Variants in SAMD4A observed in about 807,000 individuals in gnomAD.
The protein encoded by SAMD4A is protein Smaug homolog 1.
In SAMD4A, 33 loss-of-function variants were observed where a neutral mutation model predicts 81.3. That is an observed-to-expected ratio of 0.41 (90% confidence interval 0.31 to 0.54). The LOEUF (loss-of-function observed/expected upper bound fraction) is 0.54, where lower values mean the gene tolerates loss of function less well. Ranked by LOEUF, SAMD4A falls within the 20% of genes least tolerant of loss-of-function variation. The pLI is 0.37. For synonymous variants in SAMD4A, 389 were observed against 382.1 expected (o/e 1.02, Z -0.21); for missense variants, 854 against 951.1 (o/e 0.90, Z 1.34).
intron 11 of SAMD4A, among the ~76,000 whole-genome samples, chr14:54,777,203 C>T (rs1233174240): frequency 6.6e-6 from 1 of 151,934 alleles, no homozygotes; most frequent in Non-Finnish European, 1.5e-5. Context: ...ATGGACCCCC[C>T]CCCACCCCCA....
At chr14:54,788,786 C>A in intron 12 of SAMD4A, 130 bp from the exon 13 acceptor site, 1 of 1,073,020 alleles carries the variant, frequency 9.3e-7, no homozygotes, top group Non-Finnish European at 1.4e-6. Context: ...AATGCGTGAA[C>A]ACATGAACGT....
chr14:54,612,469 C>T (rs1439225201), intron 2 of SAMD4A, among the ~76,000 whole-genome samples: 1 of 152,022 alleles, frequency 6.6e-6, no homozygotes, highest in African/African-American at 2.4e-5. Context: ...ATGTGAATGT[C>T]TTCATTTCCC....
chr14:54,568,786 G>A (rs1224908762), intron 2 of SAMD4A, among the ~76,000 whole-genome samples: 1 of 138,250 alleles, frequency 7.2e-6, no homozygotes, highest in East Asian at 2.1e-4. Context: ...TATTGATACG[G>A]ATCTTGTAGA....
At chr14:54,612,412 G>A (rs1215773265) in intron 2 of SAMD4A, among the ~76,000 whole-genome samples, 1 of 151,894 alleles carries the variant, frequency 6.6e-6, no homozygotes, top group Non-Finnish European at 1.5e-5. Context: ...TAGAGTTTGG[G>A]CTATTATTAA....
At chr14:54,624,360 C>A (rs1309019886) in intron 2 of SAMD4A, among the ~76,000 whole-genome samples, 1 of 152,226 alleles carries the variant, frequency 6.6e-6, no homozygotes, top group Non-Finnish European at 1.5e-5. Flanking sequence ...AAGAAGGCAT[C>A]AGACATCACG....
chr14:54,789,214 AG>A lies in SAMD4A; in HGVS notation c.*276del, dbSNP rs770033727. On this transcript the variant is annotated 3_prime_UTR_variant, in exon 13 of 13. Coordinates refer to ENST00000554335, the MANE Select transcript of SAMD4A (RefSeq NM_015589.6). ...GTCTCTAGGGAATTATGAGACTGGG[AG>A]GGGGGTGGAGGGAATGCAGGTAGCT... 6 of 200,964 alleles carry A rather than the reference AG, an allele frequency of 3.0e-5. No individual in the cohort carries two copies. The highest frequency in any genetic ancestry group is 1.1e-4 in the East Asian group (1 of 9,204). The allele number at this position is 200,964 out of a possible 1,614,324, so 12.4% of individuals were successfully genotyped here. A position where few individuals can be genotyped will look rare whatever the true frequency, so the allele number is the denominator to read the frequency against.
intron 6 of SAMD4A, 145 bp from the exon 7 acceptor site, chr14:54,760,016 A>C: frequency 1.4e-6 from 1 of 729,334 alleles, no homozygotes. Flanking sequence ...ATGAAACGAA[A>C]GTGGTCCCTT....
chr14:54,614,556 C>A (rs895162132), intron 2 of SAMD4A, among the ~76,000 whole-genome samples: 4 of 152,190 alleles, frequency 2.6e-5, no homozygotes, highest in African/African-American at 9.6e-5. Context: ...TGGGCCTCTT[C>A]TTTCTTCTGT....
At chr14:54,719,064 T>C (rs2037195625) in intron 3 of SAMD4A, among the ~76,000 whole-genome samples, 1 of 151,926 alleles carries the variant, frequency 6.6e-6, no homozygotes, top group African/African-American at 2.4e-5. Flanking sequence ...AAGGAACGCC[T>C]TTCCCCATTC....
intron 2 of SAMD4A, among the ~76,000 whole-genome samples, chr14:54,658,367 G>A (rs758770559): frequency 5.3e-5 from 8 of 152,078 alleles, no homozygotes; most frequent in Non-Finnish European, 1.0e-4. Context: ...GTAAGGCCAA[G>A]GTATCAGACC....
At chr14:54,778,302 C>T (rs748125781) in intron 11 of SAMD4A, among the ~76,000 whole-genome samples, 6 of 152,234 alleles carry the variant, frequency 3.9e-5, no homozygotes, top group African/African-American at 7.2e-5. Context: ...TGTCCCGGAG[C>T]GCTTCGGGTT....
chr14:54,598,340 A>G (rs2033966972), intron 2 of SAMD4A, among the ~76,000 whole-genome samples: 1 of 152,216 alleles, frequency 6.6e-6, no homozygotes, highest in Non-Finnish European at 1.5e-5. Context: ...ACATGTAGTT[A>G]CATGCAAATA....
chr14:54,671,411 G>A (rs1435654497), intron 2 of SAMD4A, among the ~76,000 whole-genome samples: 1 of 152,222 alleles, frequency 6.6e-6, no homozygotes, highest in African/African-American at 2.4e-5. Flanking sequence ...AGGATTAAGT[G>A]AGATATGGAA....
intron 2 of SAMD4A, among the ~76,000 whole-genome samples, chr14:54,591,019 G>A (rs1049380941): frequency 3.3e-5 from 5 of 152,150 alleles, no homozygotes; most frequent in Admixed American, 6.5e-5. Flanking sequence ...TGTCACTCAA[G>A]CCTTCCAAGA....
At chr14:54,589,059 A>G (rs1172948972) in intron 2 of SAMD4A, among the ~76,000 whole-genome samples, 1 of 152,182 alleles carries the variant, frequency 6.6e-6, no homozygotes, top group Non-Finnish European at 1.5e-5. Flanking sequence ...TCGTACTTGC[A>G]TTGTCTGTTT....
intron 4 of SAMD4A, 57 bp downstream of exon 4, chr14:54,737,344 A>G: frequency 1.9e-6 from 3 of 1,590,210 alleles, no homozygotes; most frequent in Non-Finnish European, 2.6e-6. Context: ...ATTGGAGACC[A>G]GAGGGTAAAA....
At chr14:54,622,846 C>T (rs2034651096) in intron 2 of SAMD4A, among the ~76,000 whole-genome samples, 1 of 152,234 alleles carries the variant, frequency 6.6e-6, no homozygotes, top group African/African-American at 2.4e-5. Context: ...CACAGATTCT[C>T]AGGCCCCACC....
chr14:54,721,932 A>C (rs2037272367), intron 3 of SAMD4A, among the ~76,000 whole-genome samples: 1 of 152,200 alleles, frequency 6.6e-6, no homozygotes, highest in South Asian at 2.1e-4. Context: ...TTAAATGACA[A>C]ATTGGACACT....
At position 54,787,918 on chromosome 14, in the gene SAMD4A, A is replaced by G. The variant is rs540731076; in HGVS notation, c.2129-998A>G. ...TCTTGTTCATGGTATGCAAGACCCT[A>G]TGGTCTGCTCCTGGGGACCGTTCTA... On this transcript the variant is annotated intron_variant, in intron 12 of 12. Transcript: ENST00000554335. 3.3e-5 allele frequency among the ~76,000 whole-genome samples: 5 copies of G among 152,290 alleles called. No homozygotes were observed. The South Asian group carries it at 8.3e-4, about 25-fold the overall frequency.
Sources: allele counts gnomAD v4.1 joint callset (sites outside exome capture counted in the v4.1 genomes callset), GRCh38; gene constraint gnomAD v4.1.1; transcripts MANE v1.5; gene names NCBI Gene and HGNC (gene_info 2026-07-23, HGNC 2026-07-21).